Variants in AP5Z1 observed in about 807,000 individuals in gnomAD.
AP5Z1 encodes AP-5 complex subunit zeta-1.
In AP5Z1, 106 loss-of-function variants were observed where a neutral mutation model predicts 83.0. That is an observed-to-expected ratio of 1.28 (90% confidence interval 1.09 to 1.50). The LOEUF (loss-of-function observed/expected upper bound fraction) is 1.50, where lower values mean the gene tolerates loss of function less well. AP5Z1 is among the 40% of genes most tolerant of loss of function. The pLI, the probability that AP5Z1 is intolerant of heterozygous loss-of-function variation, is 0.00. For missense variants in AP5Z1, 1,565 were observed against 1,094.2 expected, an observed-to-expected ratio of 1.43 and a Z score of -6.07; for synonymous variants, 751 against 514.1, an observed-to-expected ratio of 1.46 and a Z score of -6.23.
Position 4,791,365 on chromosome 7 carries a change from G to T in AP5Z1, c.2404G>T (p.Ala802Ser). Residue 802 changes from alanine to serine, a missense_variant, in exon 17 of 17, where the codon GCC (alanine) becomes TCC (serine). Ala to Ser is a moderately conservative substitution (Grantham distance 99, BLOSUM62 1). Transcript: ENST00000649063. Reference sequence around the variant, plus strand: ...GGTCAGCCGGCTGGTGGAGAGGGAGGCCGGCCTCATGCCAGGGTGAAGGGA... The same window carrying T: ...GGTCAGCCGGCTGGTGGAGAGGGAGTCCGGCCTCATGCCAGGGTGAAGGGA... ...RTVSRLVERE[A>S]GLMPG The T allele has an allele frequency of 6.2e-7, 1 of 1,607,366 alleles. No homozygotes were observed. The highest frequency in any genetic ancestry group is 1.1e-5 in the South Asian group (1 of 90,124).
intron 1 of AP5Z1, among the ~76,000 whole-genome samples, chr7:4,780,641 C>T (rs985562439): frequency 6.6e-6 from 1 of 152,140 alleles, no homozygotes; most frequent in Non-Finnish European, 1.5e-5. Flanking sequence ...TGGTGGGTGC[C>T]TGTAATCCCA....
Position 4,790,544 on chromosome 7 carries a change from G to T in AP5Z1, c.1891G>T (p.Gly631Cys). 6.2e-7 allele frequency: 1 copy of T among 1,613,134 alleles called. No individual in the cohort carries two copies. The highest frequency in any genetic ancestry group is 8.5e-7 in the Non-Finnish European group (1 of 1,179,868). ...GGCAAGAGACCTGCTGGAGTTCCTGGGCAGCGTGAATGGTCTCTGCAGCAG... is the reference window on the plus strand; with the variant it reads ...GGCAAGAGACCTGCTGGAGTTCCTGTGCAGCGTGAATGGTCTCTGCAGCAG... ...ELARDLLEFL[G>C]SVNGLCSRAS... Residue 631 changes from glycine to cysteine, a missense_variant, in exon 15 of 17, where the codon GGC becomes TGC. Coordinates refer to ENST00000649063, the MANE Select transcript of AP5Z1 (RefSeq NM_014855.3).
chr7:4,776,312 GTAGCTCCTTCC>G (rs1014270954), intron 1 of AP5Z1, among the ~76,000 whole-genome samples: 4 of 151,846 alleles, frequency 2.6e-5, no homozygotes, highest in African/African-American at 9.7e-5. Flanking sequence ...TAACGAGTGA[GTAGCTCCTTCC>G]TCACCAACTA....
chr7:4,790,485 T>C lies in AP5Z1; in HGVS notation c.1832T>C (p.Leu611Pro). The change falls in exon 15 of 17, where the codon CTG (leucine) becomes CCG (proline). Residue 611 changes from leucine (L) to proline (P), a missense_variant. Leu to Pro is a moderately conservative substitution (Grantham distance 98, BLOSUM62 -3). Transcript: ENST00000649063. The part of the protein sequence containing the change: ...HSVLSSQFLA[L>P]CTLKPSLVVE... ...GTGCTGAGTTCTCAGTTCCTGGCCC[T>C]GTGTACGCTGAAACCCTCCCTGGTG... 1 of 1,613,166 alleles carries C rather than the reference T, an allele frequency of 6.2e-7. No homozygotes were observed. The highest frequency in any genetic ancestry group is 8.5e-7 in the Non-Finnish European group (1 of 1,179,844).
At chr7:4,781,484 G>A (rs959404381) in intron 2 of AP5Z1, 84 bp from the exon 3 acceptor site, 9 of 1,547,900 alleles carry the variant, frequency 5.8e-6, no homozygotes, top group African/African-American at 1.4e-5. Context: ...GCCCAAGGGT[G>A]CCCGGCCAGG....
chr7:4,788,744 C>A, intron 12 of AP5Z1, 96 bp from the exon 13 acceptor site: 2 of 1,117,508 alleles, frequency 1.8e-6, no homozygotes, highest in Non-Finnish European at 2.5e-6. Context: ...TGGGAGCGGG[C>A]TCAGCTGTGC....
In AP5Z1 at chr7:4,790,679, G is replaced by A. The variant is rs1383853151; in HGVS notation, c.1945G>A (p.Ala649Thr). The A allele has an allele frequency of 2.5e-6, 4 of 1,611,862 alleles. No homozygotes were observed. Among genetic ancestry groups the A allele is most frequent in the South Asian group, 2.2e-5 (2 of 91,000 alleles). ...TCTCTGTCCCCGGGCCTAGGTGTGGGCCATCGGCGAGTACCTGTCGGTGAC... is the reference window on the plus strand; with the variant it reads ...TCTCTGTCCCCGGGCCTAGGTGTGGACCATCGGCGAGTACCTGTCGGTGAC... ...RASLVTSVVW[A>T]IGEYLSVTYD... Residue 649 changes from alanine (A) to threonine (T), a missense_variant, in exon 16 of 17, where the codon GCC becomes ACC. Physicochemically the swap from Ala to Thr is moderately conservative, Grantham distance 58. Coordinates refer to ENST00000649063, the MANE Select transcript of AP5Z1 (RefSeq NM_014855.3).
rs1329311767 is a variant in AP5Z1, at chr7:4,792,309, C to T, written c.*924C>T. On this transcript the variant is annotated 3_prime_UTR_variant, in exon 17 of 17. Coordinates refer to ENST00000649063, the MANE Select transcript of AP5Z1 (RefSeq NM_014855.3). ...CCCGCCCCCAGGCTCAAACTCTTCC[C>T]CCTCCCCACTCTGGCTCCGCCCCCG... is the stretch of plus-strand genomic sequence containing the variant. 6.6e-6 allele frequency: 1 copy of T among 151,996 alleles called. No individual in the cohort carries two copies. The highest frequency in any genetic ancestry group is 1.5e-5 in the Non-Finnish European group (1 of 67,990). The allele number at this position is 151,996 out of a possible 1,614,324, so 9.4% of individuals were successfully genotyped here.
At chr7:4,787,847 G>T (rs916495242) in intron 11 of AP5Z1, 71 bp downstream of exon 11, 5 of 1,470,080 alleles carry the variant, frequency 3.4e-6, no homozygotes, top group Non-Finnish European at 4.5e-6. Flanking sequence ...CCCCCTCCTC[G>T]CTGCTCCTGA....
chr7:4,786,606 G>A (rs971850682), intron 10 of AP5Z1, among the ~76,000 whole-genome samples, 178 bp downstream of exon 10: 7 of 152,136 alleles, frequency 4.6e-5, no homozygotes, highest in African/African-American at 9.7e-5. Context: ...GCAGCGTCAC[G>A]TGATTGACGG....
At chr7:4,781,471 C>T in intron 2 of AP5Z1, 97 bp from the exon 3 acceptor site, 4 of 1,540,520 alleles carry the variant, frequency 2.6e-6, no homozygotes, top group Non-Finnish European at 3.5e-6. Context: ...GCTCTGTCCA[C>T]TGGCCCAAGG....
At chr7:4,787,502 G>A (rs1384138024) in intron 10 of AP5Z1, 132 bp from the exon 11 acceptor site, 21 of 1,315,100 alleles carry the variant, frequency 1.6e-5, no homozygotes, top group African/African-American at 7.4e-5. Flanking sequence ...ATAAAAAGCG[G>A]GAGGAGGCAA....
intron 10 of AP5Z1, among the ~76,000 whole-genome samples, 183 bp downstream of exon 10, chr7:4,786,611 T>C (rs1169393326): frequency 6.6e-6 from 1 of 152,064 alleles, no homozygotes; most frequent in East Asian, 1.9e-4. Context: ...GTCACGTGAT[T>C]GACGGTGCTG....
intron 12 of AP5Z1, 154 bp from the exon 13 acceptor site, chr7:4,788,686 T>G: frequency 1.5e-6 from 1 of 651,084 alleles, no homozygotes. Context: ...GCCAGGGGTC[T>G]CCCCAAACCC....
At chr7:4,776,378 C>CA (rs1171754857) in intron 1 of AP5Z1, among the ~76,000 whole-genome samples, 3 of 151,988 alleles carry the variant, frequency 2.0e-5, no homozygotes, top group African/African-American at 7.3e-5. Flanking sequence ...TGAACAGACT[C>CA]ACGGTCCACC....
In AP5Z1 at chr7:4,775,863, C is replaced by T; in HGVS notation, c.41+107C>T. On this transcript the variant is annotated intron_variant, in intron 1 of 16. Coordinates refer to ENST00000649063, the MANE Select transcript of AP5Z1 (RefSeq NM_014855.3). ...CTTGGGCGCCAGCCTTGCAGGAACCCGACTGGACTCGCCCTCGAGACTTGG... is the reference window on the plus strand; with the variant it reads ...CTTGGGCGCCAGCCTTGCAGGAACCTGACTGGACTCGCCCTCGAGACTTGG... 5.5e-6 allele frequency: 8 copies of T among 1,445,554 alleles called. No individual in the cohort carries two copies. In the South Asian group the frequency reaches 8.6e-5, roughly 16 times the overall value. The allele number at this position is 1,445,554 out of a possible 1,614,324, so 89.5% of individuals were successfully genotyped here. A position where few individuals can be genotyped will look rare whatever the true frequency, so the allele number is the denominator to read the frequency against.
At chr7:4,790,055 GACCCTGCCACCCCCACCCACAGCCCCAC>G in intron 14 of AP5Z1, 126 bp downstream of exon 14, 1 of 1,144,542 alleles carries the variant, frequency 8.7e-7, no homozygotes, top group Non-Finnish European at 1.2e-6. Context: ...AGCAGCCTCA[GACCCTGCCACCCCCACCCACAGCCCCAC>G]ACCCAGCCCC....
chr7:4,791,738 G>A lies in AP5Z1; in HGVS notation c.*353G>A. 2.9e-6 allele frequency: 1 copy of A among 347,838 alleles called. No homozygotes were observed. Among genetic ancestry groups the A allele is most frequent in the Non-Finnish European group, 5.3e-6 (1 of 189,402 alleles). The allele number at this position is 347,838 out of a possible 1,614,324, so 21.5% of individuals were successfully genotyped here. The stretch of plus-strand genomic sequence containing the variant: ...ATGGGCAAGAAGAGCTGCAGTAAAA[G>A]TAAATCTCCTTTAATAAGCGTCTGT... On this transcript the variant is annotated 3_prime_UTR_variant, in exon 17 of 17. Coordinates refer to ENST00000649063, the MANE Select transcript of AP5Z1 (RefSeq NM_014855.3).
rs1583227623 is a variant in AP5Z1 at position 4,781,205 on chromosome 7, C to T, written c.72C>T (p.Phe24=). The T allele has an allele frequency of 1.2e-6, 2 of 1,613,664 alleles. No homozygotes were observed. The highest frequency in any genetic ancestry group is 1.7e-6 in the Non-Finnish European group (2 of 1,179,562). ...REIQDEELKK[F]CSRICKLLQA... Reference sequence around the variant, plus strand: ...TCCAGGACGAGGAGCTGAAGAAGTTCTGTTCCCGGATCTGTAAACTGCTGC... The same window carrying T: ...TCCAGGACGAGGAGCTGAAGAAGTTTTGTTCCCGGATCTGTAAACTGCTGC... Residue 24 remains phenylalanine, a synonymous_variant, in exon 2 of 17, where the codon TTC becomes TTT. Coordinates refer to ENST00000649063, the MANE Select transcript of AP5Z1 (RefSeq NM_014855.3).
Sources: gnomAD v4.1 joint callset for allele counts (sites outside exome capture counted in the v4.1 genomes callset) on GRCh38, gnomAD v4.1.1 for gene constraint, MANE v1.5 for transcripts, NCBI Gene and HGNC (gene_info 2026-07-23, HGNC 2026-07-21) for gene names.